NAALADL2: variants seen among roughly 807,000 people sequenced by gnomAD.
The protein encoded by NAALADL2 is inactive N-acetylated-alpha-linked acidic dipeptidase-like protein 2.
In NAALADL2, 76 loss-of-function variants were observed where a neutral mutation model predicts 87.2. The ratio of observed to expected loss-of-function variants is 0.87; its 90% confidence interval spans 0.72 to 1.05. The LOEUF is 1.05. Ranked by LOEUF, NAALADL2 falls within the 50% of genes least tolerant of loss-of-function variation. The pLI is 0.00. For synonymous variants in NAALADL2, 354 were observed against 331.0 expected (o/e 1.07, Z -0.75); for missense variants, 1,089 against 945.8 (o/e 1.15, Z -1.99).
intron 1 of NAALADL2, among the ~76,000 whole-genome samples, chr3:174,894,252 CAA>C (rs1560333871): frequency 6.6e-6 from 1 of 151,918 alleles, no homozygotes; most frequent in Non-Finnish European, 1.5e-5. Context: ...ACAATAAGAA[CAA>C]GAGATTTCAA....
chr3:174,523,302 T>C (rs1042390540), intron 1 of NAALADL2: 6 of 152,170 alleles, frequency 3.9e-5, no homozygotes, highest in Non-Finnish European at 7.3e-5. Context: ...AGCAGTACCA[T>C]TAGAACTAAA....
intron 1 of NAALADL2, among the ~76,000 whole-genome samples, chr3:174,886,840 C>G (rs1418887566): frequency 6.6e-6 from 1 of 152,056 alleles, no homozygotes; most frequent in Non-Finnish European, 1.5e-5. Flanking sequence ...CCATGTCTAC[C>G]TACTTCTCCT....
intron 1 of NAALADL2, among the ~76,000 whole-genome samples, chr3:175,010,275 G>C (rs973827251): frequency 6.6e-6 from 1 of 152,038 alleles, no homozygotes; most frequent in Non-Finnish European, 1.5e-5. Context: ...CAGCCATATG[G>C]CCTAAAAGTA....
intron 9 of NAALADL2, among the ~76,000 whole-genome samples, chr3:175,530,198 G>A (rs974150481): frequency 2.0e-5 from 3 of 152,178 alleles, no homozygotes; most frequent in South Asian, 2.1e-4. Context: ...CTATCCACTC[G>A]ATTATTAAAA....
At chr3:175,720,724 C>A (rs1278922679) in intron 11 of NAALADL2, among the ~76,000 whole-genome samples, 1 of 151,960 alleles carries the variant, frequency 6.6e-6, no homozygotes, top group African/African-American at 2.4e-5. Context: ...AACTAGACTG[C>A]AACTAAGGAC....
chr3:175,348,293 T>C (rs1332422750), intron 5 of NAALADL2, among the ~76,000 whole-genome samples: 3 of 152,122 alleles, frequency 2.0e-5, no homozygotes, highest in Admixed American at 2.0e-4. Context: ...TCAGGTGATC[T>C]GCCCGCCTCG....
At chr3:174,771,180 A>G (rs1714505905) in intron 3 of NAALADL2, among the ~76,000 whole-genome samples, 1 of 152,196 alleles carries the variant, frequency 6.6e-6, no homozygotes, top group Admixed American at 6.5e-5. Context: ...TTGGGTATCA[A>G]GGATATAGAT....
chr3:175,604,063 A>C (rs1425660815), intron 10 of NAALADL2, among the ~76,000 whole-genome samples: 1 of 152,136 alleles, frequency 6.6e-6, no homozygotes, highest in Non-Finnish European at 1.5e-5. Flanking sequence ...ATATATCCAG[A>C]AGTAGAATTT....
chr3:175,178,970 G>A (rs9290542), intron 2 of NAALADL2, among the ~76,000 whole-genome samples: 16,582 of 151,968 alleles, frequency 0.11, 1,033 homozygotes, highest in Admixed American at 0.16. Flanking sequence ...GAAAAGAATT[G>A]TGAATTCTTA....
chr3:175,686,547 CTT>C (rs761457079), intron 11 of NAALADL2, among the ~76,000 whole-genome samples: 188 of 152,010 alleles, frequency 1.2e-3, no homozygotes, highest in African/African-American at 3.7e-3. Flanking sequence ...TATTAATACT[CTT>C]TTAGGTAAAG....
intron 13 of NAALADL2, among the ~76,000 whole-genome samples, chr3:175,789,734 T>A (rs372440793): frequency 1.3e-5 from 2 of 152,122 alleles, no homozygotes; most frequent in South Asian, 2.1e-4. Flanking sequence ...ATGTTAAATA[T>A]TAAGTTTCAA....
At chr3:175,682,248 T>G (rs892564678) in intron 11 of NAALADL2, among the ~76,000 whole-genome samples, 1 of 152,072 alleles carries the variant, frequency 6.6e-6, no homozygotes, top group African/African-American at 2.4e-5. Flanking sequence ...ATAAATTCTA[T>G]GTAGAAAAAA....
chr3:174,953,093 A>T (rs1271065318), intron 1 of NAALADL2, among the ~76,000 whole-genome samples: 1 of 152,032 alleles, frequency 6.6e-6, no homozygotes, highest in Non-Finnish European at 1.5e-5. Flanking sequence ...TAAGAATCCC[A>T]GGTTTACAGA....
intron 5 of NAALADL2, among the ~76,000 whole-genome samples, chr3:175,388,691 C>A (rs953186580): frequency 2.0e-5 from 3 of 151,950 alleles, no homozygotes; most frequent in African/African-American, 7.3e-5. Context: ...TTTTCACATA[C>A]CTTTTCTATA....
Position 175,376,240 on chromosome 3 carries a change from AC to A in NAALADL2, c.1090+51917del, listed in dbSNP as rs200511988. Among the ~76,000 whole-genome samples the A allele has an allele frequency of 6.9e-3, 1,053 of 152,216 alleles. 8 individuals carry two copies. The highest frequency in any genetic ancestry group is 0.012 in the Non-Finnish European group (811 of 67,980). Reference sequence around the variant, plus strand: ...CGTATCTCTGAATTTCCATCTGGTAACCTTTTTCTTCACCCTAAAGAACTTA... The same window carrying A: ...CGTATCTCTGAATTTCCATCTGGTAACTTTTTCTTCACCCTAAAGAACTTA... On this transcript the variant is annotated intron_variant, in intron 5 of 13. Coordinates refer to ENST00000454872, the MANE Select transcript of NAALADL2 (RefSeq NM_207015.3).
At chr3:174,991,247 G>C (rs369883746) in intron 1 of NAALADL2, among the ~76,000 whole-genome samples, 6 of 152,194 alleles carry the variant, frequency 3.9e-5, no homozygotes, top group African/African-American at 1.4e-4. Flanking sequence ...TTGTAGAACA[G>C]TAAATACAAG....
intron 4 of NAALADL2, among the ~76,000 whole-genome samples, chr3:175,303,885 A>G (rs1365491195): frequency 2.0e-5 from 3 of 152,158 alleles, no homozygotes; most frequent in African/African-American, 4.8e-5. Context: ...AAGTTATATG[A>G]AGCCAATAGG....
At chr3:174,919,686 G>A (rs985587093) in intron 1 of NAALADL2, among the ~76,000 whole-genome samples, 11 of 152,082 alleles carry the variant, frequency 7.2e-5, no homozygotes, top group South Asian at 2.1e-4. Context: ...ACCTCCTCCC[G>A]TAAGTCATGA....
intron 5 of NAALADL2, among the ~76,000 whole-genome samples, chr3:175,446,079 T>C (rs370028795): frequency 3.3e-5 from 5 of 152,212 alleles, no homozygotes; most frequent in African/African-American, 7.2e-5. Flanking sequence ...TGTGGGTGAG[T>C]TGTTTCTTTT....
Sources: allele counts gnomAD v4.1 joint callset (sites outside exome capture counted in the v4.1 genomes callset), GRCh38; gene constraint gnomAD v4.1.1; transcripts MANE v1.5; gene names NCBI Gene and HGNC (gene_info 2026-07-23, HGNC 2026-07-21).